The following MRPL48 variants were observed in gnomAD, a reference collection of about 807,000 sequenced individuals.
The protein encoded by MRPL48 is large ribosomal subunit protein mL48.
Under a neutral mutation model 32.9 loss-of-function variants are expected in MRPL48, and 16 were observed. The observed-to-expected ratio is 0.49, with a 90% CI of 0.33 to 0.74. MRPL48 has a LOEUF of 0.74. Among genes scored for constraint, MRPL48 ranks in the 30% least tolerant of loss-of-function variants. The pLI is 0.02. For synonymous variants in MRPL48, 94 were observed against 89.2 expected, an observed-to-expected ratio of 1.05 and a Z score of -0.31; for missense variants, 206 against 245.3, an observed-to-expected ratio of 0.84 and a Z score of 1.07.
intron 4 of MRPL48, among the ~76,000 whole-genome samples, chr11:73,829,128 G>T (rs983362871): frequency 6.6e-6 from 1 of 151,930 alleles, no homozygotes; most frequent in Non-Finnish European, 1.5e-5. Flanking sequence ...CCACTCTCCC[G>T]GATACCACGC....
At chr11:73,812,648 G>A (rs1431740048) in intron 3 of MRPL48, among the ~76,000 whole-genome samples, 4 of 150,972 alleles carry the variant, frequency 2.6e-5, no homozygotes, top group African/African-American at 7.3e-5. Flanking sequence ...AGGCTGTACC[G>A]CACTTTGATT....
rs538289326 is a variant in MRPL48, at chr11:73,840,674, A to G, written c.202-4133A>G. Among the ~76,000 whole-genome samples the G allele has an allele frequency of 3.9e-5, 6 of 152,034 alleles. No homozygotes were observed. In the South Asian group the frequency reaches 8.3e-4, roughly 21 times the overall value. On this transcript the variant is annotated intron_variant, in intron 4 of 7. Coordinates refer to ENST00000310614, the MANE Select transcript of MRPL48 (RefSeq NM_016055.6). ...GCCACCACGCCCAGCTAATTTTTGT[A>G]TTTTTAGTAGAGGCGCGGTTTCACC...
intron 4 of MRPL48, among the ~76,000 whole-genome samples, chr11:73,831,319 G>A (rs1947989330): frequency 6.6e-6 from 1 of 152,122 alleles, no homozygotes; most frequent in South Asian, 2.1e-4. Context: ...CTCGCTTACA[G>A]TATGTACCTG....
At chr11:73,844,288 A>G (rs1285918113) in intron 4 of MRPL48, among the ~76,000 whole-genome samples, 1 of 151,852 alleles carries the variant, frequency 6.6e-6, no homozygotes, top group Admixed American at 6.6e-5. Flanking sequence ...AAAATTAGCC[A>G]GGTGTGGTGG....
intron 4 of MRPL48, among the ~76,000 whole-genome samples, chr11:73,831,088 C>T (rs944345201): frequency 6.6e-6 from 1 of 152,094 alleles, no homozygotes; most frequent in African/African-American, 2.4e-5. Flanking sequence ...GATCCACCTA[C>T]CTTGGCCTCC....
intron 5 of MRPL48, among the ~76,000 whole-genome samples, chr11:73,854,471 C>T (rs1202188959): frequency 1.3e-5 from 2 of 151,960 alleles, no homozygotes; most frequent in Non-Finnish European, 2.9e-5. Context: ...ATTTTTAGTA[C>T]AGATGGGGTT....
chr11:73,805,005 T>G (rs986946145), intron 1 of MRPL48, 22 bp from the exon 2 acceptor site: 12 of 1,579,712 alleles, frequency 7.6e-6, no homozygotes, highest in Non-Finnish European at 1.0e-5. Context: ...AAGATTGTCC[T>G]AACATGGCTG....
At chr11:73,838,899 T>A (rs1948146119) in intron 4 of MRPL48, among the ~76,000 whole-genome samples, 1 of 152,338 alleles carries the variant, frequency 6.6e-6, no homozygotes, top group East Asian at 1.9e-4. Flanking sequence ...TTGGGCTTCA[T>A]ATTCTTCCCT....
chr11:73,843,951 C>T (rs572217246), intron 4 of MRPL48, among the ~76,000 whole-genome samples: 1 of 152,070 alleles, frequency 6.6e-6, no homozygotes, highest in African/African-American at 2.4e-5. Flanking sequence ...TGGTAGCAGG[C>T]ACCTGTAATC....
chr11:73,857,783 C>T (rs188195059), intron 5 of MRPL48, among the ~76,000 whole-genome samples: 168 of 151,210 alleles, frequency 1.1e-3, no homozygotes, highest in African/African-American at 3.7e-3. Context: ...TTAGTAGAGA[C>T]AGTTTCACCG....
chr11:73,827,460 A>G (rs1947918752), intron 4 of MRPL48, among the ~76,000 whole-genome samples: 1 of 152,196 alleles, frequency 6.6e-6, no homozygotes, highest in Non-Finnish European at 1.5e-5. Context: ...TCTAAGCATT[A>G]TGAAATTATT....
intron 4 of MRPL48, among the ~76,000 whole-genome samples, chr11:73,831,263 T>C (rs987475535): frequency 5.3e-5 from 8 of 152,208 alleles, no homozygotes; most frequent in Non-Finnish European, 1.0e-4. Flanking sequence ...ATGAGGCTTT[T>C]TCTCAGGTGG....
In MRPL48 at chr11:73,864,343, G is replaced by A. The variant is rs750729555; in HGVS notation, c.612G>A (p.Leu204=). Residue 204 remains leucine, a synonymous_variant, in exon 8 of 8, where the codon CTG becomes CTA. Transcript: ENST00000310614. ...FKGRFKARPE[L]EELLAKLK is the part of the protein sequence containing the mutation. ...GACGATTCAAAGCTCGACCAGAACT[G>A]GAAGAACTGTTGGCCAAGTTGAAGT... 1 of 1,613,906 alleles carries A rather than the reference G, an allele frequency of 6.2e-7. No individual in the cohort carries two copies. Among genetic ancestry groups the A allele is most frequent in the Non-Finnish European group, 8.5e-7 (1 of 1,179,862 alleles).
intron 5 of MRPL48, among the ~76,000 whole-genome samples, chr11:73,853,783 C>T (rs1321560068): frequency 7.0e-6 from 1 of 142,602 alleles, no homozygotes; most frequent in East Asian, 2.1e-4. Flanking sequence ...CTCCGCCTCC[C>T]GGGTTGACGC....
chr11:73,815,716 G>C (rs1467200836), intron 3 of MRPL48, among the ~76,000 whole-genome samples: 1 of 151,606 alleles, frequency 6.6e-6, no homozygotes, highest in African/African-American at 2.4e-5. Context: ...ATAGAGACTA[G>C]GCCTTCTGCC....
At chr11:73,847,528 C>T (rs1948316098) in intron 5 of MRPL48, among the ~76,000 whole-genome samples, 2 of 152,010 alleles carry the variant, frequency 1.3e-5, no homozygotes, top group Non-Finnish European at 2.9e-5. Flanking sequence ...GCAAACTCTG[C>T]CTCTCGGGTT....
intron 5 of MRPL48, among the ~76,000 whole-genome samples, chr11:73,848,818 A>ATTT (rs36041695): frequency 6.8e-6 from 1 of 146,704 alleles, no homozygotes; most frequent in Non-Finnish European, 1.5e-5. Context: ...TCCCTTTGTA[A>ATTT]TTTTTTTTTT....
chr11:73,804,999 T>C, intron 1 of MRPL48, 28 bp from the exon 2 acceptor site: 2 of 1,574,148 alleles, frequency 1.3e-6, no homozygotes, highest in Non-Finnish European at 1.7e-6. Flanking sequence ...ATGCTTAAGA[T>C]TGTCCTAACA....
At chr11:73,846,973 CTT>C (rs1163221785) in intron 5 of MRPL48, among the ~76,000 whole-genome samples, 18 of 141,448 alleles carry the variant, frequency 1.3e-4, no homozygotes, top group Non-Finnish European at 9.3e-5. Flanking sequence ...TTCTTTTTTT[CTT>C]TTTTTTTTTT....
Sources: allele counts gnomAD v4.1 joint callset (sites outside exome capture counted in the v4.1 genomes callset), GRCh38; gene constraint gnomAD v4.1.1; transcripts MANE v1.5; gene names NCBI Gene and HGNC (gene_info 2026-07-23, HGNC 2026-07-21).